COL16A1: variants seen among roughly 807,000 people sequenced by gnomAD.
The protein encoded by COL16A1 is collagen alpha-1(XVI) chain.
In COL16A1, 189 loss-of-function variants were observed where a neutral mutation model predicts 266.3. The ratio of observed to expected loss-of-function variants is 0.71; its 90% CI spans 0.63 to 0.80. The LOEUF (loss-of-function observed/expected upper bound fraction) is 0.80. Among genes scored for constraint, COL16A1 ranks in the 30% least tolerant of loss-of-function variants. The pLI is 0.00. For synonymous variants in COL16A1, 740 were observed against 782.3 expected, an observed-to-expected ratio of 0.95 and a Z score of 0.90; for missense variants, 1,928 against 2,122.4, an observed-to-expected ratio of 0.91 and a Z score of 1.80.
chr1:31,675,517 C>T (rs1034281771), intron 42 of COL16A1, among the ~76,000 whole-genome samples: 12 of 152,196 alleles, frequency 7.9e-5, no homozygotes, highest in African/African-American at 2.9e-4. Context: ...GAGCGACCCC[C>T]CAAACCGTCC....
At chr1:31,684,987 T>C in intron 29 of COL16A1, 131 bp from the exon 30 acceptor site, 2 of 1,555,444 alleles carry the variant, frequency 1.3e-6, no homozygotes, top group Non-Finnish European at 1.7e-6. Context: ...AGTGAAGCAA[T>C]CTTGCCCAGG....
chr1:31,684,020 G>T lies in COL16A1; in HGVS notation c.2284-17C>A. 1 of 1,614,170 alleles carries T rather than the reference G, an allele frequency of 6.2e-7. No individual in the cohort carries two copies. Among genetic ancestry groups the T allele is most frequent in the Non-Finnish European group, 8.5e-7 (1 of 1,180,014 alleles). On this transcript the variant is annotated splice_polypyrimidine_tract_variant and intron_variant, in intron 32 of 70. Coordinates refer to ENST00000373672, the MANE Select transcript of COL16A1 (RefSeq NM_001856.4). The stretch of plus-strand genomic sequence containing the variant: ...GGGTTGGCCCTAAAAGGCATAAGGT[G>T]GCCCATGGAGTCCCCACAGGAGAAA...
chr1:31,680,128 C>T (rs1250089553), intron 39 of COL16A1, 27 bp from the exon 40 acceptor site: 4 of 1,609,580 alleles, frequency 2.5e-6, no homozygotes, highest in South Asian at 2.2e-5. Context: ...CTTTGTGAGA[C>T]ATGGATGAAG....
intron 8 of COL16A1, among the ~76,000 whole-genome samples, chr1:31,696,560 G>T (rs1644510807): frequency 6.6e-6 from 1 of 152,234 alleles, no homozygotes; most frequent in South Asian, 2.1e-4. Flanking sequence ...CCGGCGCTGG[G>T]CCCAGGAGAG....
In COL16A1 at chr1:31,685,822, G is replaced by A. The variant is rs1196132024; in HGVS notation, c.1885-52C>T. On this transcript the variant is annotated intron_variant, in intron 28 of 70. Transcript: ENST00000373672. The surrounding 1 kb of genome is among the most constrained non-coding windows in gnomAD (Gnocchi z 4.0). ...GGGTCCCCCAGGCCCTAGTGCACTT[G>A]AGCGAGGTTTGGAATCTAGGGCTGG... is the stretch of plus-strand genomic sequence containing the variant. 6.2e-7 allele frequency: 1 copy of A among 1,602,040 alleles called. No individual in the cohort carries two copies. Among genetic ancestry groups the A allele is most frequent in the Admixed American group, 1.7e-5 (1 of 59,396 alleles).
chr1:31,677,931 A>G (rs1486959886), intron 42 of COL16A1, among the ~76,000 whole-genome samples: 1 of 152,186 alleles, frequency 6.6e-6, no homozygotes, highest in Non-Finnish European at 1.5e-5. Flanking sequence ...TTAATGGGTC[A>G]CTTTGAAATG....
In COL16A1 at chr1:31,688,400, G is replaced by T; in HGVS notation, c.1803+67C>A. On this transcript the variant is annotated intron_variant, in intron 26 of 70. Coordinates refer to ENST00000373672, the MANE Select transcript of COL16A1 (RefSeq NM_001856.4). The surrounding 1 kb of genome is among the most constrained non-coding windows in gnomAD (Gnocchi z 4.9). ...TTTATATTACCCTTATTCCCCGCCC[G>T]CACCACTCCTCCCCTGCCTGCCTGC... 6.4e-7 allele frequency: 1 copy of T among 1,557,766 alleles called. No individual in the cohort carries two copies. The highest frequency in any genetic ancestry group is 8.9e-7 in the Non-Finnish European group (1 of 1,129,112).
At chr1:31,701,252 A>G in intron 2 of COL16A1, 1 of 954,122 alleles carries the variant, frequency 1.0e-6, no homozygotes, top group South Asian at 4.8e-5. Flanking sequence ...CAATGGGCCC[A>G]GATTCCTTAC....
At chr1:31,703,008 C>G (rs971696013) in intron 1 of COL16A1, among the ~76,000 whole-genome samples, 1 of 152,194 alleles carries the variant, frequency 6.6e-6, no homozygotes, top group Non-Finnish European at 1.5e-5. Flanking sequence ...AGGCAGCTCA[C>G]GTGCACAAAC....
intron 52 of COL16A1, 110 bp from the exon 53 acceptor site, chr1:31,666,191 C>T (rs1642130422): frequency 1.7e-6 from 2 of 1,208,064 alleles, no homozygotes; most frequent in Non-Finnish European, 2.3e-6. Flanking sequence ...TGCTGGGAGG[C>T]CCCTGGGCTG....
At chr1:31,662,792 A>G in intron 56 of COL16A1, 134 bp from the exon 57 acceptor site, 2 of 851,466 alleles carry the variant, frequency 2.3e-6, no homozygotes, top group Admixed American at 2.8e-5. Context: ...TCTGGGCCCA[A>G]TCTGTCCCTG....
intron 11 of COL16A1, among the ~76,000 whole-genome samples, chr1:31,694,634 C>G (rs1644415962): frequency 6.6e-6 from 1 of 152,154 alleles, no homozygotes; most frequent in Non-Finnish European, 1.5e-5. Flanking sequence ...AATGTTAGGC[C>G]CCAGAAAAAT....
intron 14 of COL16A1, 26 bp from the exon 15 acceptor site, chr1:31,692,668 A>G: frequency 6.2e-7 from 1 of 1,613,258 alleles, no homozygotes. Context: ...CAGTGTTGAG[A>G]GGGGCAGAGG....
intron 31 of COL16A1, 121 bp from the exon 32 acceptor site, chr1:31,684,352 A>G: frequency 6.9e-7 from 1 of 1,449,340 alleles, no homozygotes; most frequent in Non-Finnish European, 9.1e-7. Context: ...TGGGAAATCA[A>G]AACAGGCCCC....
intron 52 of COL16A1, 65 bp downstream of exon 52, chr1:31,667,510 T>C: frequency 7.1e-7 from 1 of 1,401,376 alleles, no homozygotes; most frequent in Non-Finnish European, 9.8e-7. Context: ...CTGCCAAGTC[T>C]CCAGCCCGAG....
At chr1:31,662,215 G>C in intron 58 of COL16A1, 119 bp downstream of exon 58, 1 of 1,529,180 alleles carries the variant, frequency 6.5e-7, no homozygotes, top group Non-Finnish European at 8.9e-7. Context: ...GGGAGGGCAT[G>C]GGTGCCCCCT....
chr1:31,675,167 C>A, intron 43 of COL16A1, 91 bp downstream of exon 43: 2 of 1,611,376 alleles, frequency 1.2e-6, no homozygotes, highest in South Asian at 1.1e-5. Context: ...AGAGGGACCC[C>A]CACTGCAGCT....
Position 31,668,355 on chromosome 1 carries a change from G to T in COL16A1, c.3250-137C>A, listed in dbSNP as rs533438460. 8.2e-5 allele frequency: 74 copies of T among 903,618 alleles called. No individual in the cohort carries two copies. In the South Asian group the frequency reaches 1.0e-3, roughly 12 times the overall value. 56.0% of individuals were successfully genotyped at this position (903,618 alleles called of 1,614,324 possible). On this transcript the variant is annotated intron_variant, in intron 50 of 70. Transcript: ENST00000373672. This position sits in a 1 kb window ranked among gnomAD's most constrained non-coding sequence, Gnocchi z 5.8. The stretch of plus-strand genomic sequence containing the variant: ...CAGCCTGCCCCAGCATTGCACACTG[G>T]GCCATCTCCCCAAGCCCCAGGTCCC...
Position 31,653,989 on chromosome 1 carries a change from G to T in COL16A1, c.4412C>A (p.Ala1471Asp), listed in dbSNP as rs183114446. The change falls in exon 69 of 71, where the codon GCT (alanine) becomes GAT (aspartate). Residue 1471 changes from alanine to aspartate, a missense_variant. Ala to Asp is a moderately radical substitution (Grantham distance 126). Transcript: ENST00000373672. ...CCCTGGAGGCCCTGGTCGTCCCGGA[G>T]CTGCCGCCATCTCCATGGGGAACTG... ...RMQFPMEMAA[A>D]PGRPGPPGKD... is the part of the protein sequence containing the mutation. The T allele has an allele frequency of 1.8e-4, 284 of 1,614,184 alleles. 3 individuals carry two copies. In the East Asian group the frequency reaches 4.6e-3, roughly 26 times the overall value.
Sources: gnomAD v4.1 joint callset for allele counts (sites outside exome capture counted in the v4.1 genomes callset) on GRCh38, gnomAD v4.1.1 for gene constraint, Gnocchi (gnomAD v3.1) non-coding constraint, MANE v1.5 for transcripts, NCBI Gene and HGNC (gene_info 2026-07-23, HGNC 2026-07-21) for gene names.